The following TXNRD3 variants were observed in gnomAD, a reference collection of about 807,000 sequenced individuals.
TXNRD3 encodes TXNRD3 neighbor gene protein.
TXNRD3 carries 68 observed loss-of-function variants against 78.2 expected under a neutral mutation model. The ratio of observed to expected loss-of-function variants is 0.87; its 90% CI spans 0.72 to 1.06. The LOEUF is 1.06. TXNRD3 is among the 50% of genes least tolerant of loss of function. The pLI is 0.00. For missense variants in TXNRD3, 751 were observed against 809.5 expected (o/e 0.93, Z 0.88); for synonymous variants, 296 against 300.1 (o/e 0.99, Z 0.14).
chr3:126,636,469 T>C (rs555709605), intron 6 of TXNRD3, among the ~76,000 whole-genome samples: 4 of 152,288 alleles, frequency 2.6e-5, no homozygotes, highest in Admixed American at 1.3e-4. Context: ...TTCTGACTCT[T>C]CTCCACCATG....
chr3:126,642,012 C>G lies in TXNRD3; in HGVS notation c.712+20G>C. On this transcript the variant is annotated intron_variant, in intron 6 of 15. Transcript: ENST00000524230. ...ATTTTTTCTTTTCTCTCAATCTATA[C>G]TTTATGAACCATTACTCACCTTGTT... 2 of 1,520,876 alleles carry G rather than the reference C, an allele frequency of 1.3e-6. No individual in the cohort carries two copies. The allele number at this position is 1,520,876 out of a possible 1,614,324, so 94.2% of individuals were successfully genotyped here.
At chr3:126,613,295 A>G (rs1434833845) in intron 13 of TXNRD3, among the ~76,000 whole-genome samples, 1 of 152,202 alleles carries the variant, frequency 6.6e-6, no homozygotes, top group African/African-American at 2.4e-5. Context: ...GCTCTATGCA[A>G]GAGCAAGATG....
At chr3:126,621,660 A>G (rs1197019801) in intron 12 of TXNRD3, 82 bp downstream of exon 12, 19 of 1,296,472 alleles carry the variant, frequency 1.5e-5, no homozygotes, top group Non-Finnish European at 1.7e-5. Flanking sequence ...CTTGGAAAAC[A>G]GGCACACAAG....
chr3:126,611,191 T>C (rs906924423), intron 13 of TXNRD3, 59 bp from the exon 14 acceptor site: 19 of 1,096,510 alleles, frequency 1.7e-5, no homozygotes, highest in Middle Eastern at 2.1e-4. Flanking sequence ...CATTCCTTGA[T>C]AGGCTCTTTA....
intron 10 of TXNRD3, among the ~76,000 whole-genome samples, chr3:126,623,172 T>A (rs1248750660): frequency 1.3e-5 from 2 of 152,216 alleles, no homozygotes; most frequent in Admixed American, 1.3e-4. Flanking sequence ...CAAACTAATA[T>A]GTCCTATACC....
At chr3:126,626,925 TAA>T (rs79436447) in intron 10 of TXNRD3, among the ~76,000 whole-genome samples, 1 of 142,800 alleles carries the variant, frequency 7.0e-6, no homozygotes. Flanking sequence ...ACCCCAACCG[TAA>T]AAAAAAAAAA....
At chr3:126,649,260 A>G (rs887276220) in intron 1 of TXNRD3, among the ~76,000 whole-genome samples, 1 of 152,242 alleles carries the variant, frequency 6.6e-6, no homozygotes, top group Admixed American at 6.5e-5. Flanking sequence ...ATCATCACTA[A>G]TCTTTAGTGA....
intron 2 of TXNRD3, 78 bp from the exon 3 acceptor site, chr3:126,646,298 A>G: frequency 1.7e-6 from 2 of 1,183,070 alleles, no homozygotes; most frequent in Admixed American, 5.8e-5. Context: ...GTGTTACAAC[A>G]CTCAAATGTT....
At chr3:126,621,609 T>C (rs1938458063) in intron 12 of TXNRD3, 133 bp downstream of exon 12, 14 of 829,646 alleles carry the variant, frequency 1.7e-5, no homozygotes, top group South Asian at 4.4e-5. Flanking sequence ...CATTAGTAAA[T>C]AGTAAGTCTA....
rs1391188236 is a variant in TXNRD3 at position 126,629,487 on chromosome 3, A to C, written c.1198-16T>G. 16 of 1,514,862 alleles carry C rather than the reference A, an allele frequency of 1.1e-5. No homozygotes were observed. The African/African-American group carries it at 2.2e-4, about 21-fold the overall frequency. 93.8% of individuals were successfully genotyped at this position (1,514,862 alleles called of 1,614,324 possible). On this transcript the variant is annotated splice_polypyrimidine_tract_variant and intron_variant, in intron 9 of 15. Transcript: ENST00000524230. Reference sequence around the variant, plus strand: ...ACTGTTGAACCTAGTAAGAATGAAGAGTGTAATGATGTTATCTAAATATGA... The same window carrying C: ...ACTGTTGAACCTAGTAAGAATGAAGCGTGTAATGATGTTATCTAAATATGA...
chr3:126,628,117 G>A (rs1021332268), intron 10 of TXNRD3, among the ~76,000 whole-genome samples: 3 of 152,006 alleles, frequency 2.0e-5, no homozygotes, highest in African/African-American at 7.2e-5. Flanking sequence ...TGTTATAATT[G>A]AACATACATT....
chr3:126,611,680 T>C (rs1299109266), intron 13 of TXNRD3, among the ~76,000 whole-genome samples: 1 of 152,166 alleles, frequency 6.6e-6, no homozygotes, highest in East Asian at 1.9e-4. Context: ...CTCAGTCTTC[T>C]AAGAACCAGA....
At chr3:126,620,938 G>T (rs1358063419) in intron 12 of TXNRD3, among the ~76,000 whole-genome samples, 2 of 152,130 alleles carry the variant, frequency 1.3e-5, no homozygotes, top group African/African-American at 4.8e-5. Flanking sequence ...CCCTTCCCCA[G>T]TCATCCGTCT....
chr3:126,620,042 T>G (rs1052368121), intron 12 of TXNRD3, among the ~76,000 whole-genome samples: 1 of 152,050 alleles, frequency 6.6e-6, no homozygotes, highest in African/African-American at 2.4e-5. Context: ...ATGCCTGTAA[T>G]CCCAGCACTT....
At chr3:126,642,721 G>A (rs984543784) in intron 5 of TXNRD3, among the ~76,000 whole-genome samples, 2 of 152,200 alleles carry the variant, frequency 1.3e-5, no homozygotes, top group East Asian at 3.9e-4. Context: ...GCCAGGGTGA[G>A]GGACAGAAAA....
intron 3 of TXNRD3, among the ~76,000 whole-genome samples, chr3:126,644,914 G>A (rs1309802352): frequency 6.6e-6 from 1 of 152,200 alleles, no homozygotes; most frequent in African/African-American, 2.4e-5. Flanking sequence ...TTCAGCAACA[G>A]TCATGATGCT....
In TXNRD3 at chr3:126,646,240, T is replaced by C. The variant is rs1198958925; in HGVS notation, c.305-20A>G. On this transcript the variant is annotated intron_variant, in intron 2 of 15. Transcript: ENST00000524230. The stretch of plus-strand genomic sequence containing the variant: ...CATCATCTAAAGAAGAAAAAAACTA[T>C]ATATAAAAACACTGAAAAGAGTTTC... 13 of 1,492,830 alleles carry C rather than the reference T, an allele frequency of 8.7e-6. No homozygotes were observed. The highest frequency in any genetic ancestry group is 5.7e-5 in the African/African-American group (4 of 69,972). The allele number at this position is 1,492,830 out of a possible 1,614,324, so 92.5% of individuals were successfully genotyped here.
intron 6 of TXNRD3, among the ~76,000 whole-genome samples, chr3:126,634,481 C>T (rs1161492089): frequency 6.6e-6 from 1 of 152,210 alleles, no homozygotes; most frequent in Non-Finnish European, 1.5e-5. Flanking sequence ...CATGGTTCCA[C>T]TCTCATTTGG....
At chr3:126,645,963 A>G in intron 3 of TXNRD3, 148 bp downstream of exon 3, 1 of 595,520 alleles carries the variant, frequency 1.7e-6, no homozygotes, top group Non-Finnish European at 2.7e-6. Context: ...CCCTTAAAGC[A>G]ATCAGTATTA....
Sources: gnomAD v4.1 joint callset for allele counts (sites outside exome capture counted in the v4.1 genomes callset) on GRCh38, gnomAD v4.1.1 for gene constraint, MANE v1.5 for transcripts, NCBI Gene and HGNC (gene_info 2026-07-23, HGNC 2026-07-21) for gene names.